The following SRD5A2 variants were observed in gnomAD, a reference collection of about 807,000 sequenced individuals.
SRD5A2 encodes steroid 5 alpha-reductase 2, also known as 3-oxo-5-alpha-steroid 4-dehydrogenase 2.
SRD5A2 carries 30 observed loss-of-function variants against 27.4 expected under a neutral mutation model. That is an observed-to-expected ratio of 1.10 (90% CI 0.82 to 1.49). SRD5A2 has a LOEUF of 1.49. Ranked by LOEUF, SRD5A2 falls within the 40% of genes most tolerant of loss-of-function variation. The pLI, the probability that SRD5A2 is intolerant of heterozygous loss-of-function variation, is 0.00. For synonymous variants in SRD5A2, 141 were observed against 133.6 expected, an observed-to-expected ratio of 1.06 and a Z score of -0.38; for missense variants, 348 against 323.4, an observed-to-expected ratio of 1.08 and a Z score of -0.58.
chr2:31,541,378 G>A (rs1343435701), intron 1 of SRD5A2, among the ~76,000 whole-genome samples: 2 of 151,368 alleles, frequency 1.3e-5, no homozygotes, highest in African/African-American at 4.9e-5. Flanking sequence ...AAAAAAAGAG[G>A]AAAATATAGC....
chr2:31,532,239 A>G (rs1665922768), intron 2 of SRD5A2, among the ~76,000 whole-genome samples: 1 of 152,138 alleles, frequency 6.6e-6, no homozygotes, highest in South Asian at 2.1e-4. Flanking sequence ...ATTCTGAATT[A>G]TTCCCGTCAC....
intron 2 of SRD5A2, among the ~76,000 whole-genome samples, chr2:31,531,735 G>A (rs1273685479): frequency 2.6e-5 from 4 of 152,168 alleles, no homozygotes; most frequent in Non-Finnish European, 5.9e-5. Flanking sequence ...GAGAGCAGGA[G>A]GTAGCACCAT....
intron 1 of SRD5A2, among the ~76,000 whole-genome samples, chr2:31,550,252 C>G (rs1043699579): frequency 6.6e-6 from 1 of 151,470 alleles, no homozygotes; most frequent in Non-Finnish European, 1.5e-5. Flanking sequence ...TTTCAATATC[C>G]CCAAAATAGA....
chr2:31,616,808 G>A, the SRD5A2 span, among the ~76,000 whole-genome samples: 461 of 152,254 alleles, frequency 3.0e-3, 4 homozygotes, highest in African/African-American at 0.011. Flanking sequence ...GATTGGTTTT[G>A]AAATGTGAGG....
chr2:31,612,588 C>G, the SRD5A2 span, among the ~76,000 whole-genome samples: 6 of 152,250 alleles, frequency 3.9e-5, no homozygotes, highest in South Asian at 1.2e-3. Flanking sequence ...AATGTCTACA[C>G]TAACCAAAGT....
chr2:31,574,046 T>C (rs904420928), intron 1 of SRD5A2, among the ~76,000 whole-genome samples: 84 of 152,320 alleles, frequency 5.5e-4, no homozygotes, highest in African/African-American at 1.9e-3. Context: ...CAATCAAACA[T>C]AGACAGGCAC....
At chr2:31,568,383 A>T (rs1304432975) in intron 1 of SRD5A2, among the ~76,000 whole-genome samples, 1 of 152,174 alleles carries the variant, frequency 6.6e-6, no homozygotes, top group East Asian at 1.9e-4. Flanking sequence ...CTGGAGGATG[A>T]GCAAGGCAGA....
At chr2:31,536,879 A>C (rs946661098) in intron 1 of SRD5A2, among the ~76,000 whole-genome samples, 1 of 152,260 alleles carries the variant, frequency 6.6e-6, no homozygotes, top group African/African-American at 2.4e-5. Flanking sequence ...ATTACCTCCT[A>C]CACCTCTAAT....
chr2:31,649,403 T>G, the SRD5A2 span, among the ~76,000 whole-genome samples: 37 of 152,294 alleles, frequency 2.4e-4, no homozygotes, highest in Admixed American at 8.5e-4. Flanking sequence ...CTGCCTTGTA[T>G]ATTCAAATAC....
the SRD5A2 span, among the ~76,000 whole-genome samples, chr2:31,658,782 T>A: frequency 1.3e-5 from 2 of 151,994 alleles, no homozygotes; most frequent in Admixed American, 1.3e-4. Flanking sequence ...CCAATTCCTA[T>A]CAGATGTATA....
chr2:31,536,510 G>A (rs28383032), intron 1 of SRD5A2, among the ~76,000 whole-genome samples: 13,110 of 152,150 alleles, frequency 0.086, 687 homozygotes, highest in Middle Eastern at 0.18. Context: ...TCATTCTTTT[G>A]GCCCCACCCA....
At chr2:31,609,702 A>G in the SRD5A2 span, among the ~76,000 whole-genome samples, 8 of 152,178 alleles carry the variant, frequency 5.3e-5, no homozygotes, top group Non-Finnish European at 7.4e-5. Context: ...ATGATTTTAA[A>G]TTAGGCAGTG....
chr2:31,546,004 C>T (rs566576651), intron 1 of SRD5A2, among the ~76,000 whole-genome samples: 9 of 152,056 alleles, frequency 5.9e-5, no homozygotes, highest in East Asian at 1.9e-4. Context: ...TAACTAAAGA[C>T]GTGAAAGACT....
At chr2:31,632,208 G>A in the SRD5A2 span, among the ~76,000 whole-genome samples, 1 of 152,070 alleles carries the variant, frequency 6.6e-6, no homozygotes, top group East Asian at 1.9e-4. Flanking sequence ...AGATCAGGAG[G>A]AACAGGCAGA....
the SRD5A2 span, among the ~76,000 whole-genome samples, chr2:31,638,669 G>T: frequency 1.3e-5 from 2 of 151,668 alleles, no homozygotes; most frequent in Non-Finnish European, 2.9e-5. Flanking sequence ...TTTATAACTG[G>T]ATAGTGACTT....
intron 1 of SRD5A2, among the ~76,000 whole-genome samples, chr2:31,553,138 A>G (rs1488676866): frequency 2.6e-5 from 4 of 152,200 alleles, no homozygotes; most frequent in African/African-American, 9.7e-5. Context: ...AAGAAAAACA[A>G]TCAATAGAAA....
the SRD5A2 span, among the ~76,000 whole-genome samples, chr2:31,611,028 G>C: frequency 1.3e-5 from 2 of 152,102 alleles, no homozygotes; most frequent in African/African-American, 4.8e-5. Flanking sequence ...AGAATCACTT[G>C]AACCCAGGAG....
chr2:31,534,649 T>A (rs949646798), intron 1 of SRD5A2, among the ~76,000 whole-genome samples: 1 of 152,174 alleles, frequency 6.6e-6, no homozygotes, highest in Non-Finnish European at 1.5e-5. Flanking sequence ...CACACGCACA[T>A]GCTCATGCTA....
At chr2:31,539,524 G>T (rs1271569962) in intron 1 of SRD5A2, among the ~76,000 whole-genome samples, 1 of 152,184 alleles carries the variant, frequency 6.6e-6, no homozygotes, top group Non-Finnish European at 1.5e-5. Flanking sequence ...TTGCCAGGCT[G>T]TGTCAGAAAA....
Sources: gnomAD v4.1 joint callset for allele counts (sites outside exome capture counted in the v4.1 genomes callset) on GRCh38, gnomAD v4.1.1 for gene constraint, MANE v1.5 for transcripts, NCBI Gene and HGNC (gene_info 2026-07-23, HGNC 2026-07-21) for gene names.